PITPNM2: variants seen among roughly 807,000 people sequenced by gnomAD.
PITPNM2 encodes phosphatidylinositol transfer protein membrane associated 2, also known as membrane-associated phosphatidylinositol transfer protein 2.
PITPNM2 carries 35 observed loss-of-function variants against 132.2 expected under a neutral mutation model. That is an observed-to-expected ratio of 0.26 (90% CI 0.20 to 0.35). The LOEUF is 0.35. PITPNM2 is among the 10% of genes least tolerant of loss of function. The probability of loss-of-function intolerance (pLI) is 1.00; values close to 1 mark genes in which losing one functional copy is unlikely to be tolerated. For synonymous variants in PITPNM2, 738 were observed against 799.2 expected (o/e 0.92, Z 1.29); for missense variants, 1,332 against 1,912.0 (o/e 0.70, Z 5.66).
rs142151554 is a variant in PITPNM2, at chr12:123,005,258, G to A, written c.934C>T (p.Arg312Trp). 2.4e-5 allele frequency: 39 copies of A among 1,612,550 alleles called. No individual in the cohort carries two copies. Among genetic ancestry groups the A allele is most frequent in the Middle Eastern group, 1.7e-4 (1 of 6,054 alleles). The change falls in exon 7 of 26, where the codon CGG becomes TGG. Residue 312 changes from arginine to tryptophan, a missense_variant. By Grantham distance (101) the Arg-to-Trp change is moderately radical. Around this residue, in one of 6 missense-constraint regions of PITPNM2, gnomAD observed 710 missense variants for 911.5 expected, o/e 0.78. Coordinates refer to ENST00000320201, the MANE Select transcript of PITPNM2 (RefSeq NM_020845.3). This position sits in a 1 kb window ranked among gnomAD's most constrained non-coding sequence, Gnocchi z 6.2. ...KQWSTSSKSS[R>W]SSKRGASPSR... is the part of the protein sequence containing the mutation. Reference sequence around the variant, plus strand: ...GCCTTACCTCCCCGCTTGGACGACCGAGACGACTTGGAGGATGTGGACCAC... The same window carrying A: ...GCCTTACCTCCCCGCTTGGACGACCAAGACGACTTGGAGGATGTGGACCAC...
In PITPNM2 at chr12:122,996,816, G is replaced by T; in HGVS notation, c.1567C>A (p.Gln523Lys). 1 of 1,602,564 alleles carries T rather than the reference G, an allele frequency of 6.2e-7. No homozygotes were observed. Among genetic ancestry groups the T allele is most frequent in the Non-Finnish European group, 8.5e-7 (1 of 1,177,062 alleles). The change falls in exon 12 of 26, where the codon CAG becomes AAG. Residue 523 changes from glutamine to lysine, a missense_variant. Gln to Lys is a moderately conservative substitution (Grantham distance 53). Coordinates refer to ENST00000320201, the MANE Select transcript of PITPNM2 (RefSeq NM_020845.3). Reference sequence around the variant, plus strand: ...ACTGTGGCAACTGCCTCCTGGTACTGGGGGGAGGAGGTGGCCAGCAGGGGG... The same window carrying T: ...ACTGTGGCAACTGCCTCCTGGTACTTGGGGGAGGAGGTGGCCAGCAGGGGG... ...ALPLLATSSP[Q>K]YQEAVATVIQ...
At chr12:123,141,204 CA>C (rs1249525739) in intron 1 of PITPNM2, among the ~76,000 whole-genome samples, 1 of 152,142 alleles carries the variant, frequency 6.6e-6, no homozygotes, top group African/African-American at 2.4e-5. Flanking sequence ...CTGTGAGACA[CA>C]AAAAATGAAA....
At chr12:123,124,473 A>G (rs931252628) in intron 1 of PITPNM2, among the ~76,000 whole-genome samples, 2 of 152,178 alleles carry the variant, frequency 1.3e-5, no homozygotes, top group Non-Finnish European at 2.9e-5. Flanking sequence ...ATATATACAG[A>G]GAATCTCTCT....
At chr12:123,105,923 A>G (rs894200592) in intron 2 of PITPNM2, among the ~76,000 whole-genome samples, 2 of 152,180 alleles carry the variant, frequency 1.3e-5, no homozygotes, top group Non-Finnish European at 2.9e-5. Context: ...TGACCAAGAC[A>G]GCAGGGCACC....
intron 2 of PITPNM2, among the ~76,000 whole-genome samples, chr12:123,041,669 C>T (rs994469222): frequency 2.0e-5 from 3 of 152,148 alleles, no homozygotes; most frequent in Non-Finnish European, 4.4e-5. Flanking sequence ...GGAGTCGTGA[C>T]GGGTTAGACA....
In PITPNM2 at chr12:123,147,453, C is replaced by G. The variant is rs73417309; in HGVS notation, c.-200+3300G>C. Among the ~76,000 whole-genome samples, 985 of 152,270 alleles carry G rather than the reference C, an allele frequency of 6.5e-3. 14 individuals are homozygous for G. Among genetic ancestry groups the G allele is most frequent in the African/African-American group, 0.022 (929 of 41,530 alleles). ...TCTCAGCTACAGGCGCACACCACCA[C>G]GCCCAGCTAGCAATGTTACTTACTA... On this transcript the variant is annotated intron_variant, in intron 1 of 25. Coordinates refer to ENST00000320201, the MANE Select transcript of PITPNM2 (RefSeq NM_020845.3).
At chr12:122,991,553 T>C (rs902913380) in intron 16 of PITPNM2, among the ~76,000 whole-genome samples, 4 of 152,198 alleles carry the variant, frequency 2.6e-5, no homozygotes, top group Admixed American at 2.6e-4. Context: ...TTGCTTTGGC[T>C]CTGCCCTGCC....
rs1429952478 is a variant in PITPNM2 at position 123,088,659 on chromosome 12, T to C, written c.-96+21726A>G. 3 of 152,126 alleles carry C rather than the reference T, an allele frequency of 2.0e-5. No individual in the cohort carries two copies. In the East Asian group the frequency reaches 5.8e-4, roughly 29 times the overall value. The allele number at this position is 152,126 out of a possible 1,614,324, so 9.4% of individuals were successfully genotyped here. A position where few individuals can be genotyped will look rare whatever the true frequency, so the allele number is the denominator to read the frequency against. On this transcript the variant is annotated intron_variant, in intron 2 of 25. Transcript: ENST00000320201. The stretch of plus-strand genomic sequence containing the variant: ...GATCTTCCCTGCTCCCCGCAAAATA[T>C]CCCCAGGCCCAGAGAGTTTTATAGC...
rs148032478 is a variant in PITPNM2 at position 123,024,315 on chromosome 12, T to C, written c.78+10198A>G. ...TGTGGAGCAATGGAACCCTCGTACA[T>C]TGATGGTGGGAACGTAAAATGGTGC... On this transcript the variant is annotated intron_variant, in intron 3 of 25. Coordinates refer to ENST00000320201, the MANE Select transcript of PITPNM2 (RefSeq NM_020845.3). 4.4e-3 allele frequency among the ~76,000 whole-genome samples: 667 copies of C among 152,270 alleles called. 5 individuals carry two copies. Among genetic ancestry groups the C allele is most frequent in the Admixed American group, 0.012 (186 of 15,288 alleles).
chr12:123,001,037 C>T lies in PITPNM2; in HGVS notation c.1153+17G>A, dbSNP rs751554672. The T allele has an allele frequency of 6.2e-7, 1 of 1,608,228 alleles. No individual in the cohort carries two copies. ...ACCGCCCTCCCCAGGCTCTGCAGCA[C>T]CCCCAGACCTGCTGACCTTGTGTGT... On this transcript the variant is annotated intron_variant, in intron 9 of 25. Transcript: ENST00000320201.
intron 1 of PITPNM2, among the ~76,000 whole-genome samples, chr12:123,116,319 T>G (rs2042935137): frequency 6.6e-6 from 1 of 152,134 alleles, no homozygotes; most frequent in South Asian, 2.1e-4. Context: ...AAACAAAATG[T>G]AGTCTATCTA....
rs1237411815 is a variant in PITPNM2 at position 122,992,433 on chromosome 12, T to G, written c.2404+66A>C. 14 of 1,504,906 alleles carry G rather than the reference T, an allele frequency of 9.3e-6. No homozygotes were observed. The highest frequency in any genetic ancestry group is 9.8e-6 in the Non-Finnish European group (11 of 1,120,370). The allele number at this position is 1,504,906 out of a possible 1,614,324, so 93.2% of individuals were successfully genotyped here. On this transcript the variant is annotated intron_variant, in intron 16 of 25. Coordinates refer to ENST00000320201, the MANE Select transcript of PITPNM2 (RefSeq NM_020845.3). This position sits in a 1 kb window ranked among gnomAD's most constrained non-coding sequence, Gnocchi z 6.5. ...GAAGAACCACGTAGCATGGAGGACC[T>G]AGGAGCCAGGGAGCCACGCTTACCC...
Position 123,013,814 on chromosome 12 carries a change from C to T in PITPNM2, c.293+14G>A. Reference sequence around the variant, plus strand: ...GTGGAGGTGGGAGGCACATGGAGGCCAAAGCAGGCGCACCTGGTTCGGGTG... The same window carrying T: ...GTGGAGGTGGGAGGCACATGGAGGCTAAAGCAGGCGCACCTGGTTCGGGTG... On this transcript the variant is annotated intron_variant, in intron 4 of 25. Coordinates refer to ENST00000320201, the MANE Select transcript of PITPNM2 (RefSeq NM_020845.3). The T allele has an allele frequency of 1.2e-6, 2 of 1,612,390 alleles. No homozygotes were observed.
chr12:123,043,944 G>A (rs1368626682), intron 2 of PITPNM2, among the ~76,000 whole-genome samples: 1 of 152,182 alleles, frequency 6.6e-6, no homozygotes, highest in African/African-American at 2.4e-5. Context: ...GATAAGCATG[G>A]CATGAAGGAG....
At chr12:123,050,825 G>A (rs1321500684) in intron 2 of PITPNM2, among the ~76,000 whole-genome samples, 1 of 152,110 alleles carries the variant, frequency 6.6e-6, no homozygotes, top group African/African-American at 2.4e-5. Flanking sequence ...AAATCCTCCA[G>A]CCGATGACAG....
chr12:123,149,981 A>T (rs1047886356), intron 1 of PITPNM2: 2 of 152,288 alleles, frequency 1.3e-5, no homozygotes, highest in Admixed American at 6.5e-5. Flanking sequence ...AGAGGAGTGC[A>T]GGATGTCTCT....
intron 2 of PITPNM2, among the ~76,000 whole-genome samples, chr12:123,048,931 T>G (rs1340104192): frequency 6.6e-6 from 1 of 151,972 alleles, no homozygotes; most frequent in African/African-American, 2.4e-5. Context: ...ACCAGGAGTT[T>G]GAGACCAGCC....
intron 1 of PITPNM2, among the ~76,000 whole-genome samples, chr12:123,139,695 A>G (rs2043462094): frequency 6.6e-6 from 1 of 152,130 alleles, no homozygotes; most frequent in East Asian, 1.9e-4. Flanking sequence ...GAAGCTTAGA[A>G]TCTTTCTGGG....
At chr12:123,105,739 G>C (rs1048918821) in intron 2 of PITPNM2, among the ~76,000 whole-genome samples, 2 of 152,164 alleles carry the variant, frequency 1.3e-5, no homozygotes, top group African/African-American at 4.8e-5. Context: ...TGAGTGCACT[G>C]GATACCCACC....
Sources: allele counts gnomAD v4.1 joint callset (sites outside exome capture counted in the v4.1 genomes callset), GRCh38; gene constraint gnomAD v4.1.1; regional missense constraint gnomAD v4.1.1; non-coding constraint Gnocchi (gnomAD v3.1); transcripts MANE v1.5; gene names NCBI Gene and HGNC (gene_info 2026-07-23, HGNC 2026-07-21).